Variants in SPAG9 observed in about 807,000 individuals in gnomAD.
The protein encoded by SPAG9 is sperm associated antigen 9.
A neutral mutation model predicts 166.5 loss-of-function variants in SPAG9; 35 were observed. That is an observed-to-expected ratio of 0.21 (90% CI 0.16 to 0.28). The LOEUF (loss-of-function observed/expected upper bound fraction) is 0.28. SPAG9 is among the 10% of genes least tolerant of loss of function. The probability of loss-of-function intolerance (pLI) is 1.00; values close to 1 mark genes in which losing one functional copy is unlikely to be tolerated. For missense variants in SPAG9, 1,235 were observed against 1,603.3 expected (o/e 0.77, Z 3.92); for synonymous variants, 534 against 565.5 (o/e 0.94, Z 0.79).
chr17:51,115,612 C>T (rs2049264639), intron 1 of SPAG9, among the ~76,000 whole-genome samples: 2 of 151,934 alleles, frequency 1.3e-5, no homozygotes. Context: ...GGGCGGATCA[C>T]CTGAGGTCAG....
intron 2 of SPAG9, among the ~76,000 whole-genome samples, chr17:51,065,482 A>G (rs1466946138): frequency 6.6e-6 from 1 of 152,216 alleles, no homozygotes; most frequent in Non-Finnish European, 1.5e-5. Flanking sequence ...GTTATAAGAG[A>G]AGGACATTTC....
At chr17:50,999,755 T>C in intron 13 of SPAG9, 38 bp from the exon 14 acceptor site, 1 of 1,555,848 alleles carries the variant, frequency 6.4e-7, no homozygotes. Flanking sequence ...CATTTATCAG[T>C]GAGGTATTCT....
intron 11 of SPAG9, 82 bp downstream of exon 11, chr17:51,006,003 C>T: frequency 1.3e-6 from 2 of 1,483,278 alleles, no homozygotes; most frequent in Non-Finnish European, 1.8e-6. Flanking sequence ...GACAGAAGGT[C>T]TCAGTCTCAG....
intron 15 of SPAG9, among the ~76,000 whole-genome samples, chr17:50,998,121 T>G (rs2044760582): frequency 7.3e-6 from 1 of 137,228 alleles, no homozygotes; most frequent in Non-Finnish European, 1.5e-5. Flanking sequence ...CAACCCCGCC[T>G]CCTGGGTTCA....
chr17:51,068,125 A>C (rs1182743498), intron 2 of SPAG9, among the ~76,000 whole-genome samples: 1 of 152,202 alleles, frequency 6.6e-6, no homozygotes, highest in East Asian at 1.9e-4. Flanking sequence ...AGATAGTCCA[A>C]CTGTTGCTGG....
At chr17:50,999,364 A>C (rs1163595794) in intron 14 of SPAG9, 1 of 832,786 alleles carries the variant, frequency 1.2e-6, no homozygotes, top group African/African-American at 1.8e-5. Flanking sequence ...GTCATTTTCA[A>C]GTCTCTAAAT....
rs1032522701 is a variant in SPAG9 at position 51,041,534 on chromosome 17, T to C, written c.708A>G (p.Glu236=). The change falls in exon 5 of 30, where the codon GAA becomes GAG. Residue 236 remains glutamate (E), a synonymous_variant. Transcript: ENST00000262013. ...TPGSEQWKFQ[E]LSQPRSHTSL... is the part of the protein sequence containing the mutation. ...TGGTATGAGAACGTGGTTGACTTAA[T>C]TCCTGAAATTTCCATTGCTCAGATC... 1.2e-6 allele frequency: 2 copies of C among 1,614,028 alleles called. No homozygotes were observed. The highest frequency in any genetic ancestry group is 1.7e-5 in the Admixed American group (1 of 60,018).
chr17:51,083,290 G>A (rs1053389413), intron 1 of SPAG9, among the ~76,000 whole-genome samples: 2 of 147,446 alleles, frequency 1.4e-5, no homozygotes, highest in East Asian at 2.0e-4. Flanking sequence ...GCTGGAGTGC[G>A]CTGGTACCAT....
In SPAG9 at chr17:51,042,643, AG is replaced by A. The variant is rs2046883133; in HGVS notation, c.591-993del. 5 of 152,184 alleles carry A rather than the reference AG, an allele frequency of 3.3e-5. No individual in the cohort carries two copies. In the South Asian group the frequency reaches 1.0e-3, roughly 31 times the overall value. The allele number at this position is 152,184 out of a possible 1,614,324, so 9.4% of individuals were successfully genotyped here. ...TTGCTAAGTAAGTCTTTAATTCTGT[AG>A]TTCATTTTTATTCCAAGAAACTTCA... On this transcript the variant is annotated intron_variant, in intron 4 of 29. Transcript: ENST00000262013.
intron 5 of SPAG9, among the ~76,000 whole-genome samples, chr17:51,035,765 A>G (rs1197759783): frequency 1.3e-5 from 2 of 152,208 alleles, no homozygotes; most frequent in African/African-American, 4.8e-5. Context: ...TGTCTATCCA[A>G]TTGGTTTAGT....
rs2044691592 is a variant in SPAG9, at chr17:50,996,574, C to T, written c.1959G>A (p.Lys653=). 6.2e-7 allele frequency: 1 copy of T among 1,614,012 alleles called. No individual in the cohort carries two copies. Among genetic ancestry groups the T allele is most frequent in the South Asian group, 1.1e-5 (1 of 91,074 alleles). ...CACATGTGCATATTACCTGTTTGTA[C>T]TTCTGAGGCAGACTCCAGCCAAAAG... is the stretch of plus-strand genomic sequence containing the variant. ...VQAFGWSLPQ[K]YKQVTNGQGE... The change falls in exon 16 of 30, where the codon AAG becomes AAA. Residue 653 remains lysine (K), a synonymous_variant. Coordinates refer to ENST00000262013, the MANE Select transcript of SPAG9 (RefSeq NM_001130528.3).
chr17:51,021,160 G>A lies in SPAG9; in HGVS notation c.989C>T (p.Thr330Ile). ...QVAQETRNVS[T>I]GSAENEEKSE... ...AGTAAAGAACTAGGGTCACTCACCA[G>A]TAGATACATTTCTAGTTTCCTGGGC... is the stretch of plus-strand genomic sequence containing the variant. The change falls in exon 7 of 30, where the codon ACT (threonine) becomes ATT (isoleucine). Residue 330 changes from threonine (T) to isoleucine (I), a missense_variant and splice_region_variant. Thr to Ile is a moderately conservative substitution (Grantham distance 89, BLOSUM62 -1). Transcript: ENST00000262013. The A allele has an allele frequency of 6.2e-7, 1 of 1,612,750 alleles. No individual in the cohort carries two copies. The highest frequency in any genetic ancestry group is 8.5e-7 in the Non-Finnish European group (1 of 1,178,866).
intron 2 of SPAG9, among the ~76,000 whole-genome samples, chr17:51,073,898 C>T (rs796124349): frequency 8.6e-5 from 13 of 151,852 alleles, no homozygotes; most frequent in African/African-American, 2.7e-4. Context: ...GTCAGGAGTT[C>T]GAGACCAGCC....
intron 1 of SPAG9, among the ~76,000 whole-genome samples, chr17:51,094,414 T>G (rs1050346159): frequency 2.6e-5 from 4 of 152,174 alleles, no homozygotes. Context: ...GAAAAGTCAT[T>G]GCTCCCATGG....
chr17:51,066,085 T>C (rs1198608192), intron 2 of SPAG9, among the ~76,000 whole-genome samples: 1 of 151,970 alleles, frequency 6.6e-6, no homozygotes, highest in Non-Finnish European at 1.5e-5. Context: ...TTCCAAATTA[T>C]CAAAGGTATG....
intron 9 of SPAG9, among the ~76,000 whole-genome samples, chr17:51,010,443 A>G (rs923622326): frequency 6.6e-6 from 1 of 152,112 alleles, no homozygotes; most frequent in Non-Finnish European, 1.5e-5. Flanking sequence ...AAATAACAGT[A>G]AAGTATGAAG....
At chr17:50,986,975 A>G in intron 22 of SPAG9, 137 bp downstream of exon 22, 1 of 766,666 alleles carries the variant, frequency 1.3e-6, no homozygotes, top group Non-Finnish European at 2.0e-6. Flanking sequence ...GCAACATAAC[A>G]TCAAATTGTG....
Position 50,965,158 on chromosome 17 carries a change from C to T in SPAG9, c.*1114G>A, listed in dbSNP as rs1973300836. On this transcript the variant is annotated 3_prime_UTR_variant, in exon 30 of 30. Transcript: ENST00000262013. ...TTGTCTTCTTCCCCTTCATAGTTTT[C>T]CCCTTTGAGGATAACCCTTCAAGCT... The T allele has an allele frequency of 6.6e-6, 1 of 152,106 alleles. No homozygotes were observed. The highest frequency in any genetic ancestry group is 2.4e-5 in the African/African-American group (1 of 41,352). The allele number at this position is 152,106 out of a possible 1,614,324, so 9.4% of individuals were successfully genotyped here. A position where few individuals can be genotyped will look rare whatever the true frequency, so the allele number is the denominator to read the frequency against.
chr17:51,012,278 A>G (rs957543044), intron 9 of SPAG9, among the ~76,000 whole-genome samples: 1 of 152,198 alleles, frequency 6.6e-6, no homozygotes, highest in Non-Finnish European at 1.5e-5. Context: ...TTCCTTAAGA[A>G]TTAAACTTTC....
Sources: allele counts gnomAD v4.1 joint callset (sites outside exome capture counted in the v4.1 genomes callset), GRCh38; gene constraint gnomAD v4.1.1; transcripts MANE v1.5; gene names NCBI Gene and HGNC (gene_info 2026-07-23, HGNC 2026-07-21).